Variants in IL10RA observed in about 807,000 individuals in gnomAD.
IL10RA encodes interleukin-10 receptor subunit alpha.
IL10RA carries 18 observed loss-of-function variants against 29.6 expected under a neutral mutation model. That is an observed-to-expected ratio of 0.61 (90% confidence interval 0.42 to 0.90). IL10RA has a LOEUF of 0.90. Ranked by LOEUF, IL10RA falls within the 40% of genes least tolerant of loss-of-function variation. The pLI is 0.00. For synonymous variants in IL10RA, 292 were observed against 294.1 expected (o/e 0.99, Z 0.07); for missense variants, 634 against 716.6 (o/e 0.88, Z 1.32).
At chr11:117,987,239 C>T (rs1173359248) in intron 1 of IL10RA, 1 of 240,756 alleles carries the variant, frequency 4.2e-6, no homozygotes, top group African/African-American at 2.2e-5. Flanking sequence ...CAAAGTAAAA[C>T]ATGCAGTCAG....
At chr11:117,995,438 A>ACATCT in intron 5 of IL10RA, 151 bp from the exon 6 acceptor site, 2 of 927,526 alleles carry the variant, frequency 2.2e-6, no homozygotes, top group Admixed American at 3.7e-5. Flanking sequence ...AAACCTAGAC[A>ACATCT]CATCTAGAGT....
chr11:117,987,111 G>C, intron 1 of IL10RA: 1 of 345,612 alleles, frequency 2.9e-6, no homozygotes, highest in Non-Finnish European at 5.7e-6. Context: ...CTCCGGCAAG[G>C]TTTCTGCAAC....
chr11:117,989,710 C>A lies in IL10RA; in HGVS notation c.367+90C>A. 1 of 1,301,414 alleles carries A rather than the reference C, an allele frequency of 7.7e-7. No individual in the cohort carries two copies. The highest frequency in any genetic ancestry group is 1.1e-6 in the Non-Finnish European group (1 of 922,200). 80.6% of individuals were successfully genotyped at this position (1,301,414 alleles called of 1,614,324 possible). On this transcript the variant is annotated intron_variant, in intron 3 of 6. Coordinates refer to ENST00000227752, the MANE Select transcript of IL10RA (RefSeq NM_001558.4). This position sits in a 1 kb window ranked among gnomAD's most constrained non-coding sequence, Gnocchi z 4.5. ...AGAGCTTTTCTGTCTATTACCATAG[C>A]TCACCATGTCTGCCAGCCTCCCTGG... is the stretch of plus-strand genomic sequence containing the variant.
rs141521628 is a variant in IL10RA, at chr11:117,999,460, C to G, written c.1556C>G (p.Pro519Arg). 1 of 1,614,086 alleles carries G rather than the reference C, an allele frequency of 6.2e-7. No individual in the cohort carries two copies. Among genetic ancestry groups the G allele is most frequent in the Non-Finnish European group, 8.5e-7 (1 of 1,180,020 alleles). The change falls in exon 7 of 7, where the codon CCC becomes CGC. Residue 519 changes from proline to arginine, a missense_variant. Coordinates refer to ENST00000227752, the MANE Select transcript of IL10RA (RefSeq NM_001558.4). ...GCCCCAACGGGACAGTGGAACCAGC[C>G]CACTGAGGAATGGTCACTCCTGGCC... is the stretch of plus-strand genomic sequence containing the variant. ...SGAPTGQWNQ[P>R]TEEWSLLALS...
At chr11:117,992,430 A>C (rs1322746139) in intron 3 of IL10RA, among the ~76,000 whole-genome samples, 1 of 152,076 alleles carries the variant, frequency 6.6e-6, no homozygotes, top group African/African-American at 2.4e-5. Context: ...TTTAATTTGC[A>C]TTTCTCTGAT....
In IL10RA at chr11:118,000,343, T is replaced by A. The variant is rs1446368201; in HGVS notation, c.*702T>A. 2.2e-6 allele frequency: 1 copy of A among 454,220 alleles called. No individual in the cohort carries two copies. The highest frequency in any genetic ancestry group is 4.4e-6 in the Non-Finnish European group (1 of 226,772). 28.1% of individuals were successfully genotyped at this position (454,220 alleles called of 1,614,324 possible). A position where few individuals can be genotyped will look rare whatever the true frequency, so the allele number is the denominator to read the frequency against. On this transcript the variant is annotated 3_prime_UTR_variant, in exon 7 of 7. Coordinates refer to ENST00000227752, the MANE Select transcript of IL10RA (RefSeq NM_001558.4). ...CTCTGGTGGGTACCTCTGGCACCCA[T>A]CTGCAAATATCTCCCTCTCTCCAAC...
In IL10RA at chr11:117,989,659, T is replaced by C; in HGVS notation, c.367+39T>C. On this transcript the variant is annotated intron_variant, in intron 3 of 6. Transcript: ENST00000227752. The surrounding 1 kb of genome is among the most constrained non-coding windows in gnomAD (Gnocchi z 4.5). ...CTTGACTTAGAACATGGCTCTGAAG[T>C]CCCTTCCAGCCAGGAACTCTAGTCT... 3.8e-6 allele frequency: 6 copies of C among 1,595,144 alleles called. No individual in the cohort carries two copies. The highest frequency in any genetic ancestry group is 5.1e-6 in the Non-Finnish European group (6 of 1,165,718).
Position 117,988,519 on chromosome 11 carries a change from A to G in IL10RA, c.188+17A>G. 6.2e-7 allele frequency: 1 copy of G among 1,612,214 alleles called. No individual in the cohort carries two copies. Among genetic ancestry groups the G allele is most frequent in the Non-Finnish European group, 8.5e-7 (1 of 1,178,278 alleles). The stretch of plus-strand genomic sequence containing the variant: ...GCTCCTGAGGTGAGGAAAAGGGAAG[A>G]GGGAGGGGGAGGGAGGAGTGAATCC... On this transcript the variant is annotated intron_variant, in intron 2 of 6. Transcript: ENST00000227752.
chr11:117,986,466 G>C lies in IL10RA; in HGVS notation c.-2G>C, dbSNP rs1472930198. 2.6e-6 allele frequency: 4 copies of C among 1,552,988 alleles called. No individual in the cohort carries two copies. Among genetic ancestry groups the C allele is most frequent in the Non-Finnish European group, 3.5e-6 (4 of 1,148,532 alleles). The stretch of plus-strand genomic sequence containing the variant: ...GGCCCCGGACGATGCGGCGCGCCCA[G>C]GATGCTGCCGTGCCTCGTAGTGCTG... On this transcript the variant is annotated 5_prime_UTR_variant, in exon 1 of 7. Coordinates refer to ENST00000227752, the MANE Select transcript of IL10RA (RefSeq NM_001558.4).
chr11:117,992,029 C>T (rs1041432342), intron 3 of IL10RA, among the ~76,000 whole-genome samples: 5 of 152,286 alleles, frequency 3.3e-5, no homozygotes, highest in South Asian at 2.1e-4. Context: ...GCCACTGGGC[C>T]GGGCCTCAGT....
intron 6 of IL10RA, among the ~76,000 whole-genome samples, chr11:117,996,878 C>T (rs4252284): frequency 0.039 from 5,869 of 152,324 alleles, 282 homozygotes; most frequent in African/African-American, 0.12. Flanking sequence ...CCACCGCACC[C>T]TGCCCCTTCT....
At chr11:117,986,909 C>T (rs1481158676) in intron 1 of IL10RA, 1 of 1,138,492 alleles carries the variant, frequency 8.8e-7, no homozygotes, top group African/African-American at 1.6e-5. Flanking sequence ...TCTCCCTTCT[C>T]TTAGTCGACT....
intron 3 of IL10RA, chr11:117,993,028 C>T: frequency 1.7e-6 from 1 of 574,772 alleles, no homozygotes; most frequent in East Asian, 3.0e-5. Context: ...CATCATATTC[C>T]ATTGGTTGAT....
chr11:117,986,530 T>A lies in IL10RA; in HGVS notation c.63T>A (p.Ala21=). 1.3e-6 allele frequency: 2 copies of A among 1,554,368 alleles called. No homozygotes were observed. The highest frequency in any genetic ancestry group is 1.7e-6 in the Non-Finnish European group (2 of 1,148,702). Residue 21 remains alanine (A), a synonymous_variant, in exon 1 of 7, where the codon GCT becomes GCA. Transcript: ENST00000227752. ...TCAGCCTCCGTCTTGGCTCAGACGC[T>A]CATGGTAAGGCTCCGGGACGCGGCC... ...ALLSLRLGSD[A]HGTELPSPPS...
Position 117,999,669 on chromosome 11 carries a change from T to C in IL10RA, c.*28T>C. ...CGGGCTGAGAGGCTGCTTTTGATTT[T>C]AGCCATGCCTGCTCCTCTGCCTGGA... On this transcript the variant is annotated 3_prime_UTR_variant, in exon 7 of 7. Coordinates refer to ENST00000227752, the MANE Select transcript of IL10RA (RefSeq NM_001558.4). 1 of 1,587,398 alleles carries C rather than the reference T, an allele frequency of 6.3e-7. No homozygotes were observed. The highest frequency in any genetic ancestry group is 8.6e-7 in the Non-Finnish European group (1 of 1,156,880).
Position 117,993,984 on chromosome 11 carries a change from T to C in IL10RA, c.538-15T>C. 1.2e-6 allele frequency: 2 copies of C among 1,612,266 alleles called. No homozygotes were observed. The highest frequency in any genetic ancestry group is 2.2e-5 in the East Asian group (1 of 44,868). ...AATAAAAGGATTTTGTTAATTGCTA[T>C]CATTTTTGTTTCAGTTCACACACAA... On this transcript the variant is annotated splice_polypyrimidine_tract_variant and intron_variant, in intron 4 of 6. Coordinates refer to ENST00000227752, the MANE Select transcript of IL10RA (RefSeq NM_001558.4).
Position 117,998,931 on chromosome 11 carries a change from C to A in IL10RA, c.1027C>A (p.Gln343Lys), listed in dbSNP as rs530537648. The change falls in exon 7 of 7, where the codon CAG becomes AAG. Residue 343 changes from glutamine to lysine, a missense_variant. By Grantham distance (53) the Gln-to-Lys change is moderately conservative. Transcript: ENST00000227752. Reference sequence around the variant, plus strand: ...GTTCCTCCTCCCTGACCCTCACCCCCAGGCTGACAGAACGCTGGGAAACAG... The same window carrying A: ...GTTCCTCCTCCCTGACCCTCACCCCAAGGCTGACAGAACGCTGGGAAACAG... ...PQFLLPDPHP[Q>K]ADRTLGNREP... 1 of 1,613,686 alleles carries A rather than the reference C, an allele frequency of 6.2e-7. No individual in the cohort carries two copies. The highest frequency in any genetic ancestry group is 1.1e-5 in the South Asian group (1 of 91,060).
chr11:117,996,141 T>C (rs1049848505), intron 6 of IL10RA, among the ~76,000 whole-genome samples: 2 of 152,182 alleles, frequency 1.3e-5, no homozygotes, highest in African/African-American at 4.8e-5. Context: ...GGGAACCCAC[T>C]TTCCTACTGC....
chr11:117,993,535 G>A, intron 4 of IL10RA, 125 bp downstream of exon 4: 2 of 842,972 alleles, frequency 2.4e-6, no homozygotes, highest in Non-Finnish European at 4.0e-6. Flanking sequence ...TGGGATGGTG[G>A]GTGGGCAGAG....
Sources: allele counts gnomAD v4.1 joint callset (sites outside exome capture counted in the v4.1 genomes callset), GRCh38; gene constraint gnomAD v4.1.1; non-coding constraint Gnocchi (gnomAD v3.1); transcripts MANE v1.5; gene names NCBI Gene and HGNC (gene_info 2026-07-23, HGNC 2026-07-21).